The following PRKDC variants were observed in gnomAD, a reference collection of about 807,000 sequenced individuals.
The protein encoded by PRKDC is protein kinase, DNA-activated, catalytic subunit.
A neutral mutation model predicts 486.9 loss-of-function variants in PRKDC; 82 were observed. The ratio of observed to expected loss-of-function variants is 0.17; its 90% CI spans 0.14 to 0.20. PRKDC has a LOEUF of 0.20. PRKDC is among the 10% of genes least tolerant of loss of function. PRKDC has a pLI of 1.00. For synonymous variants in PRKDC, 1,895 were observed against 1,837.0 expected (o/e 1.03, Z -0.81); for missense variants, 4,504 against 5,038.2 (o/e 0.89, Z 3.21).
At position 47,828,265 on chromosome 8, in the gene PRKDC, G is replaced by A. The variant is rs2087782403; in HGVS notation, c.8480C>T (p.Ser2827Phe). The change falls in exon 62 of 86, where the codon TCT (serine) becomes TTT (phenylalanine). Residue 2827 changes from serine to phenylalanine, a missense_variant. Transcript: ENST00000314191. ...CTTTTGAGTGATGTTGTTTTTTTCA[G>A]ACAGTGTCTTAAATTTATCCATCTC... is the stretch of plus-strand genomic sequence containing the variant. ...LKEMDKFKTL[S>F]EKNNITQKLL... 7 of 1,613,156 alleles carry A rather than the reference G, an allele frequency of 4.3e-6. No individual in the cohort carries two copies. Among genetic ancestry groups the A allele is most frequent in the Non-Finnish European group, 5.9e-6 (7 of 1,179,534 alleles).
intron 21 of PRKDC, among the ~76,000 whole-genome samples, chr8:47,919,324 T>C (rs2090036693): frequency 1.3e-5 from 2 of 152,256 alleles, no homozygotes; most frequent in African/African-American, 2.4e-5. Flanking sequence ...ATTTCATACG[T>C]GGTCTCTCCA....
chr8:47,931,983 C>A (rs184067450), intron 16 of PRKDC, among the ~76,000 whole-genome samples: 1 of 152,174 alleles, frequency 6.6e-6, no homozygotes, highest in Non-Finnish European at 1.5e-5. Flanking sequence ...CTCCGCCTCC[C>A]GGGTTCACGC....
At chr8:47,953,562 A>G in intron 7 of PRKDC, 58 bp downstream of exon 7, 1 of 1,433,712 alleles carries the variant, frequency 7.0e-7, no homozygotes, top group Non-Finnish European at 9.7e-7. Context: ...ATAATCAGGC[A>G]TTGCTGGTTA....
At chr8:47,804,636 T>C (rs927398673) in intron 69 of PRKDC, among the ~76,000 whole-genome samples, 1 of 152,170 alleles carries the variant, frequency 6.6e-6, no homozygotes, top group Admixed American at 6.5e-5. Flanking sequence ...TTTCCACCTT[T>C]CCAGCTATTT....
intron 31 of PRKDC, among the ~76,000 whole-genome samples, chr8:47,892,001 T>C (rs1463760322): frequency 6.6e-6 from 1 of 151,960 alleles, no homozygotes; most frequent in Non-Finnish European, 1.5e-5. Flanking sequence ...CCCGAGTAGC[T>C]GGGATTAACA....
chr8:47,931,337 T>A (rs555516129), intron 16 of PRKDC, among the ~76,000 whole-genome samples: 107 of 151,782 alleles, frequency 7.0e-4, no homozygotes, highest in South Asian at 1.2e-3. Context: ...ACCAAATATA[T>A]CTGGGAAGTG....
At chr8:47,887,496 T>C in intron 35 of PRKDC, 51 bp downstream of exon 35, 3 of 1,437,484 alleles carry the variant, frequency 2.1e-6, no homozygotes, top group Middle Eastern at 1.9e-4. Flanking sequence ...GCAAGTGACA[T>C]ATGTATTTCT....
intron 25 of PRKDC, among the ~76,000 whole-genome samples, chr8:47,910,686 T>C (rs547781624): frequency 8.5e-5 from 13 of 152,324 alleles, no homozygotes; most frequent in African/African-American, 3.1e-4. Flanking sequence ...TAATTCTGGA[T>C]TTTTTACTGG....
Position 47,888,565 on chromosome 8 carries a change from T to C in PRKDC, c.4366A>G (p.Lys1456Glu), listed in dbSNP as rs1235306060. The C allele has an allele frequency of 6.3e-7, 1 of 1,585,208 alleles. No homozygotes were observed. The highest frequency in any genetic ancestry group is 2.3e-5 in the East Asian group (1 of 43,640). The stretch of plus-strand genomic sequence containing the variant: ...AGAAGCCCAGCTCTGTGAAGCTGTT[T>C]ACAGGCAGACACAACAGCAGCCAGC... ...SRLAAVVSAC[K>E]QLHRAGLLHN... Residue 1456 changes from lysine (K) to glutamate (E), a missense_variant, in exon 34 of 86, where the codon AAA becomes GAA. Physicochemically the swap from Lys to Glu is moderately conservative, Grantham distance 56. Around this residue, in one of 6 missense-constraint regions of PRKDC, gnomAD observed 1,969 missense variants for 2,068.9 expected, o/e 0.95. Coordinates refer to ENST00000314191, the MANE Select transcript of PRKDC (RefSeq NM_006904.7).
intron 27 of PRKDC, among the ~76,000 whole-genome samples, chr8:47,902,155 T>G (rs2089696787): frequency 6.6e-6 from 1 of 152,126 alleles, no homozygotes; most frequent in Non-Finnish European, 1.5e-5. Flanking sequence ...ACCTTCCTAT[T>G]TCTTATCTCT....
Position 47,800,843 on chromosome 8 carries a change from C to A in PRKDC, c.10066G>T (p.Ala3356Ser), listed in dbSNP as rs773570862. The stretch of plus-strand genomic sequence containing the variant: ...CCAGAAAGCTCTAAGATTCTTCTAG[C>A]CTTGTCCTCCTCGATTTCAGCAAGG... ...ACLAEIEEDK[A>S]RRILELSGSS... Residue 3356 changes from alanine (A) to serine (S), a missense_variant, in exon 71 of 86, where the codon GCT (alanine) becomes TCT (serine). This residue lies in a region of PRKDC where 1,592 missense variants were observed against 1,724.6 expected (regional missense o/e 0.92). Coordinates refer to ENST00000314191, the MANE Select transcript of PRKDC (RefSeq NM_006904.7). 14 of 1,612,964 alleles carry A rather than the reference C, an allele frequency of 8.7e-6. No homozygotes were observed. In the Admixed American group the frequency reaches 2.0e-4, roughly 23 times the overall value.
At chr8:47,940,996 G>A (rs1163916071) in intron 10 of PRKDC, among the ~76,000 whole-genome samples, 1 of 152,056 alleles carries the variant, frequency 6.6e-6, no homozygotes, top group African/African-American at 2.4e-5. Context: ...CAGGCACGGT[G>A]GCAGGTGCCT....
At chr8:47,837,828 A>T (rs1376316574) in intron 56 of PRKDC, among the ~76,000 whole-genome samples, 1 of 152,154 alleles carries the variant, frequency 6.6e-6, no homozygotes, top group African/African-American at 2.4e-5. Flanking sequence ...TACTCAAAAC[A>T]TATATTAATT....
At chr8:47,821,253 T>G (rs2087588226) in intron 65 of PRKDC, among the ~76,000 whole-genome samples, 1 of 152,168 alleles carries the variant, frequency 6.6e-6, no homozygotes, top group Non-Finnish European at 1.5e-5. Flanking sequence ...AGGTATGGTG[T>G]GGAGAAAAGC....
At chr8:47,819,955 A>G (rs774078374) in intron 66 of PRKDC, among the ~76,000 whole-genome samples, 19 of 152,246 alleles carry the variant, frequency 1.2e-4, no homozygotes, top group Non-Finnish European at 2.8e-4. Flanking sequence ...AATGTTATTA[A>G]TAAACTTTAT....
At chr8:47,928,942 G>T in intron 19 of PRKDC, 150 bp downstream of exon 19, 1 of 619,514 alleles carries the variant, frequency 1.6e-6, no homozygotes, top group Non-Finnish European at 2.8e-6. Flanking sequence ...CTCCCACCTC[G>T]GCCTCCCAAA....
In PRKDC at chr8:47,840,835, T is replaced by C. The variant is rs1276032068; in HGVS notation, c.7281-646A>G. Among the ~76,000 whole-genome samples the C allele has an allele frequency of 4.6e-5, 7 of 152,216 alleles. 1 individual carries two copies. The highest frequency in any genetic ancestry group is 8.8e-5 in the Non-Finnish European group (6 of 68,044). On this transcript the variant is annotated intron_variant, in intron 54 of 85. Coordinates refer to ENST00000314191, the MANE Select transcript of PRKDC (RefSeq NM_006904.7). Reference sequence around the variant, plus strand: ...CATTTTTTGTTACTGACACAATGCATGTTTATTGCTGTGTAAAAATATTTA... The same window carrying C: ...CATTTTTTGTTACTGACACAATGCACGTTTATTGCTGTGTAAAAATATTTA...
chr8:47,807,648 GAT>G (rs753298291), intron 68 of PRKDC, among the ~76,000 whole-genome samples: 3 of 151,786 alleles, frequency 2.0e-5, no homozygotes, highest in Non-Finnish European at 4.4e-5. Flanking sequence ...TCGATCTCCT[GAT>G]CTCGTTATCT....
At chr8:47,908,388 T>C (rs1230862276) in intron 25 of PRKDC, among the ~76,000 whole-genome samples, 2 of 152,242 alleles carry the variant, frequency 1.3e-5, no homozygotes, top group Non-Finnish European at 1.5e-5. Context: ...ACATTATACA[T>C]GTTACAATGT....
Sources: gnomAD v4.1 joint callset for allele counts (sites outside exome capture counted in the v4.1 genomes callset) on GRCh38, gnomAD v4.1.1 for gene constraint, gnomAD v4.1.1 regional missense constraint, MANE v1.5 for transcripts, NCBI Gene and HGNC (gene_info 2026-07-23, HGNC 2026-07-21) for gene names.